KCNQ1: variants seen among roughly 807,000 people sequenced by gnomAD.
KCNQ1 encodes potassium voltage-gated channel subfamily Q member 1, also known as potassium voltage-gated channel subfamily KQT member 1.
A neutral mutation model predicts 72.4 loss-of-function variants in KCNQ1; 49 were observed. The ratio of observed to expected loss-of-function variants is 0.68; its 90% CI spans 0.54 to 0.86. The LOEUF (loss-of-function observed/expected upper bound fraction) is 0.86, where lower values mean the gene tolerates loss of function less well. Among genes scored for constraint, KCNQ1 ranks in the 40% least tolerant of loss-of-function variants. The pLI is 0.00. For synonymous variants in KCNQ1, 450 were observed against 412.6 expected (o/e 1.09, Z -1.10); for missense variants, 790 against 945.1 (o/e 0.84, Z 2.15).
rs543846405 is a variant in KCNQ1, at chr11:2,537,862, C to T, written c.477+9844C>T. Among the ~76,000 whole-genome samples, 5 of 152,216 alleles carry T rather than the reference C, an allele frequency of 3.3e-5. No homozygotes were observed. The highest frequency in any genetic ancestry group is 4.8e-5 in the African/African-American group (2 of 41,528). On this transcript the variant is annotated intron_variant, in intron 2 of 15. Transcript: ENST00000155840. The surrounding 1 kb of genome is among the most constrained non-coding windows in gnomAD (Gnocchi z 5.2). ...TCCTGAGCAGCTGGGACTGTGGGTG[C>T]GTGCCACCATGCCCCGCTAATTTTT...
At chr11:2,445,676 G>A (rs1270760570) in intron 1 of KCNQ1, among the ~76,000 whole-genome samples, 192 bp downstream of exon 1, 1 of 152,106 alleles carries the variant, frequency 6.6e-6, no homozygotes, top group Non-Finnish European at 1.5e-5. Context: ...GTGTCTGGGG[G>A]TGCGCATCTT....
At chr11:2,553,943 C>T (rs868269542) in intron 2 of KCNQ1, among the ~76,000 whole-genome samples, 1 of 152,192 alleles carries the variant, frequency 6.6e-6, no homozygotes, top group South Asian at 2.1e-4. Context: ...TCTTGAACTC[C>T]TGACCTCAGG....
At chr11:2,470,714 G>T (rs1261018940) in intron 1 of KCNQ1, among the ~76,000 whole-genome samples, 1 of 150,892 alleles carries the variant, frequency 6.6e-6, no homozygotes, top group Non-Finnish European at 1.5e-5. Context: ...TGGGGGGGGG[G>T]GTGCTTAGAA....
intron 1 of KCNQ1, among the ~76,000 whole-genome samples, chr11:2,472,050 G>A (rs534756505): frequency 6.6e-6 from 1 of 151,688 alleles, no homozygotes; most frequent in African/African-American, 2.4e-5. Context: ...AGGTATGTAT[G>A]TGTGCACATG....
chr11:2,653,342 G>A lies in KCNQ1; in HGVS notation c.1394-8619G>A. On this transcript the variant is annotated intron_variant, in intron 10 of 15. Coordinates refer to ENST00000155840, the MANE Select transcript of KCNQ1 (RefSeq NM_000218.3). The surrounding 1 kb of genome is among the most constrained non-coding windows in gnomAD (Gnocchi z 5.3). Reference sequence around the variant, plus strand: ...GACTGCCCCCAGGCCCATGTCCGTAGGCTCACACCTCACCCCCAACTTTGT... The same window carrying A: ...GACTGCCCCCAGGCCCATGTCCGTAAGCTCACACCTCACCCCCAACTTTGT... 1 of 398,704 alleles carries A rather than the reference G, an allele frequency of 2.5e-6. No homozygotes were observed. Among genetic ancestry groups the A allele is most frequent in the Non-Finnish European group, 4.4e-6 (1 of 226,120 alleles). The allele number at this position is 398,704 out of a possible 1,614,324, so 24.7% of individuals were successfully genotyped here.
In KCNQ1 at chr11:2,509,595, T is replaced by C. The variant is rs904764385; in HGVS notation, c.387-18333T>C. 6.6e-6 allele frequency among the ~76,000 whole-genome samples: 1 copy of C among 152,156 alleles called. No individual in the cohort carries two copies. The highest frequency in any genetic ancestry group is 1.5e-5 in the Non-Finnish European group (1 of 68,018). Reference sequence around the variant, plus strand: ...GCTCCAGGTCCGGGTGTGAGGGCAGTAGTGCAGGTCGTGGTCCCAGATGGC... The same window carrying C: ...GCTCCAGGTCCGGGTGTGAGGGCAGCAGTGCAGGTCGTGGTCCCAGATGGC... On this transcript the variant is annotated intron_variant, in intron 1 of 15. Coordinates refer to ENST00000155840, the MANE Select transcript of KCNQ1 (RefSeq NM_000218.3). This position sits in a 1 kb window ranked among gnomAD's most constrained non-coding sequence, Gnocchi z 6.3.
rs535674027 is a variant in KCNQ1 at position 2,499,698 on chromosome 11, A to G, written c.387-28230A>G. On this transcript the variant is annotated intron_variant, in intron 1 of 15. Transcript: ENST00000155840. ...TATTAGGCAAAGTAGAGTTCAAGAT[A>G]ATAACTATAAGAAGAGACAAAGAAG... Among the ~76,000 whole-genome samples the G allele has an allele frequency of 7.9e-5, 12 of 152,326 alleles. 1 individual carries two copies. The East Asian group carries it at 2.1e-3, about 27-fold the overall frequency.
At position 2,702,860 on chromosome 11, in the gene KCNQ1, A is replaced by G. The variant is rs564905619; in HGVS notation, c.1514+40779A>G. ...GTCAGGAAGGACAGTTCTGTGTCCT[A>G]TGTCCTCTGCTCCTCACCCCCTCGC... On this transcript the variant is annotated intron_variant, in intron 11 of 15. Transcript: ENST00000155840. 7.9e-5 allele frequency among the ~76,000 whole-genome samples: 12 copies of G among 152,216 alleles called. No homozygotes were observed. In the South Asian group the frequency reaches 1.2e-3, roughly 16 times the overall value.
intron 6 of KCNQ1, among the ~76,000 whole-genome samples, chr11:2,580,590 C>G (rs1011277254): frequency 3.3e-5 from 5 of 152,210 alleles, no homozygotes; most frequent in African/African-American, 1.2e-4. Context: ...TGGGTGGGAG[C>G]AGGAGTGCCT....
chr11:2,731,086 G>C (rs1414726451), intron 11 of KCNQ1, among the ~76,000 whole-genome samples: 2 of 152,354 alleles, frequency 1.3e-5, no homozygotes, highest in Non-Finnish European at 2.9e-5. Context: ...AGGTCCTCAG[G>C]GACCTGGGGG....
intron 11 of KCNQ1, among the ~76,000 whole-genome samples, chr11:2,737,537 A>G (rs906265564): frequency 1.3e-5 from 2 of 152,252 alleles, no homozygotes; most frequent in African/African-American, 4.8e-5. Flanking sequence ...GCTTAATTTT[A>G]TAGATTTCAG....
intron 1 of KCNQ1, among the ~76,000 whole-genome samples, chr11:2,485,050 C>T (rs1846719052): frequency 6.6e-6 from 1 of 152,196 alleles, no homozygotes; most frequent in African/African-American, 2.4e-5. Flanking sequence ...GGCGTCTGTG[C>T]ACGGCGCGTC....
Position 2,593,505 on chromosome 11 carries a change from A to C in KCNQ1, c.1393+4651A>C, listed in dbSNP as rs370516069. 6.6e-6 allele frequency among the ~76,000 whole-genome samples: 1 copy of C among 152,208 alleles called. No homozygotes were observed. The highest frequency in any genetic ancestry group is 1.9e-4 in the East Asian group (1 of 5,200). Reference sequence around the variant, plus strand: ...AAGGGCTTCTGGGGAGGCGTCTTCAAAGCTGTGCCTGTGTGTGTCACCACG... The same window carrying C: ...AAGGGCTTCTGGGGAGGCGTCTTCACAGCTGTGCCTGTGTGTGTCACCACG... On this transcript the variant is annotated intron_variant, in intron 10 of 15. Coordinates refer to ENST00000155840, the MANE Select transcript of KCNQ1 (RefSeq NM_000218.3). The surrounding 1 kb of genome is among the most constrained non-coding windows in gnomAD (Gnocchi z 6.9).
In KCNQ1 at chr11:2,678,211, G is replaced by C. The variant is rs1850326859; in HGVS notation, c.1514+16130G>C. On this transcript the variant is annotated intron_variant, in intron 11 of 15. Coordinates refer to ENST00000155840, the MANE Select transcript of KCNQ1 (RefSeq NM_000218.3). This position sits in a 1 kb window ranked among gnomAD's most constrained non-coding sequence, Gnocchi z 4.9. The stretch of plus-strand genomic sequence containing the variant: ...TTTTTTTAATTTCACATAGTCAGCT[G>C]TGTCAGTCTTTTATGGTTTGAGGTC... 5.0e-6 allele frequency: 2 copies of C among 398,216 alleles called. No individual in the cohort carries two copies. The highest frequency in any genetic ancestry group is 8.9e-6 in the Non-Finnish European group (2 of 225,970). 24.7% of individuals were successfully genotyped at this position (398,216 alleles called of 1,614,324 possible).
chr11:2,771,608 T>G (rs977889502), intron 12 of KCNQ1: 8 of 152,222 alleles, frequency 5.3e-5, no homozygotes, highest in Admixed American at 5.2e-4. Context: ...TTTCTTTGGG[T>G]TGAATTACCT....
chr11:2,641,713 C>A, intron 10 of KCNQ1: 1 of 398,350 alleles, frequency 2.5e-6, no homozygotes, highest in Non-Finnish European at 4.4e-6. Context: ...TTCCCTAGAC[C>A]AATGTCCTAA....
rs377502524 is a variant in KCNQ1 at position 2,669,053 on chromosome 11, G to A, written c.1514+6972G>A. The A allele has an allele frequency of 8.3e-5, 33 of 398,658 alleles. No individual in the cohort carries two copies. Among genetic ancestry groups the A allele is most frequent in the African/African-American group, 4.7e-4 (23 of 48,744 alleles). 24.7% of individuals were successfully genotyped at this position (398,658 alleles called of 1,614,324 possible). On this transcript the variant is annotated intron_variant, in intron 11 of 15. Transcript: ENST00000155840. The surrounding 1 kb of genome is among the most constrained non-coding windows in gnomAD (Gnocchi z 5.6). The stretch of plus-strand genomic sequence containing the variant: ...CTCAGCACCCGGCATGGGAAGGCCC[G>A]TCCTCTCCCAACTACCCTGCCGTAT...
Position 2,843,010 on chromosome 11 carries a change from G to A in KCNQ1, c.1795-4757G>A, listed in dbSNP as rs543498874. ...CCCAGACCCGCTGCGGCACACACAC[G>A]CCTGCCTGCACGCTCCCGTGAGGAG... On this transcript the variant is annotated intron_variant, in intron 15 of 15. Transcript: ENST00000155840. 1.5e-4 allele frequency among the ~76,000 whole-genome samples: 23 copies of A among 152,310 alleles called. 1 individual carries two copies. In the South Asian group the frequency reaches 4.6e-3, roughly 30 times the overall value.
In KCNQ1 at chr11:2,711,776, C is replaced by T. The variant is rs1367263346; in HGVS notation, c.1514+49695C>T. 6.6e-6 allele frequency among the ~76,000 whole-genome samples: 1 copy of T among 152,198 alleles called. No homozygotes were observed. The highest frequency in any genetic ancestry group is 2.4e-5 in the African/African-American group (1 of 41,452). On this transcript the variant is annotated intron_variant, in intron 11 of 15. Transcript: ENST00000155840. The surrounding 1 kb of genome is among the most constrained non-coding windows in gnomAD (Gnocchi z 5.4). ...CAAAGGAGTTTTATTTTTCAAATTT[C>T]CTTTCAACTCGAGGGTCTCAAATCC...
Sources: allele counts gnomAD v4.1 joint callset (sites outside exome capture counted in the v4.1 genomes callset), GRCh38; gene constraint gnomAD v4.1.1; non-coding constraint Gnocchi (gnomAD v3.1); transcripts MANE v1.5; gene names NCBI Gene and HGNC (gene_info 2026-07-23, HGNC 2026-07-21).